The following SCGN variants were observed in gnomAD, a reference collection of about 807,000 sequenced individuals.
The protein encoded by SCGN is secretagogin.
Under a neutral mutation model 39.7 loss-of-function variants are expected in SCGN, and 30 were observed. The observed-to-expected ratio is 0.76, with a 90% CI of 0.57 to 1.03. SCGN has a LOEUF of 1.03. Among genes scored for constraint, SCGN ranks in the 50% least tolerant of loss-of-function variants. The pLI, the probability that SCGN is intolerant of heterozygous loss-of-function variation, is 0.00. For missense variants in SCGN, 353 were observed against 349.4 expected (o/e 1.01, Z -0.08); for synonymous variants, 106 against 114.1 (o/e 0.93, Z 0.45).
At chr6:25,658,098 G>A (rs1165745616) in intron 2 of SCGN, among the ~76,000 whole-genome samples, 1 of 123,996 alleles carries the variant, frequency 8.1e-6, no homozygotes, top group Non-Finnish European at 1.6e-5. Context: ...GGAGTGCAGT[G>A]GTGCGATCTT....
intron 3 of SCGN, among the ~76,000 whole-genome samples, chr6:25,664,285 T>C (rs1760391323): frequency 6.6e-6 from 1 of 152,240 alleles, no homozygotes. Flanking sequence ...CAGGCAGCAG[T>C]CATTCCTGCT....
At chr6:25,699,934 A>G (rs776384276) in intron 10 of SCGN, among the ~76,000 whole-genome samples, 1 of 151,954 alleles carries the variant, frequency 6.6e-6, no homozygotes, top group Admixed American at 6.6e-5. Context: ...AAAAAGGGCC[A>G]CTTGGATCTA....
chr6:25,699,912 C>T (rs1008881343), intron 10 of SCGN, among the ~76,000 whole-genome samples: 8 of 151,958 alleles, frequency 5.3e-5, no homozygotes, highest in African/African-American at 1.9e-4. Flanking sequence ...AGTAAGCTGT[C>T]ATCTCTAGTC....
At chr6:25,667,908 T>A (rs576267431) in intron 4 of SCGN, among the ~76,000 whole-genome samples, 1 of 152,360 alleles carries the variant, frequency 6.6e-6, no homozygotes, top group East Asian at 1.9e-4. Context: ...AAAAAATTTT[T>A]AAAATTATTT....
intron 10 of SCGN, among the ~76,000 whole-genome samples, chr6:25,693,443 C>G (rs1429109896): frequency 8.7e-6 from 1 of 114,532 alleles, no homozygotes; most frequent in Non-Finnish European, 1.7e-5. Flanking sequence ...CAGAGCGAGA[C>G]TCCGTCTCAA....
At position 25,656,288 on chromosome 6, in the gene SCGN, A is replaced by G. The variant is rs996907209; in HGVS notation, c.153+2836A>G. ...CTTGCTCTGGTGTTCAGCAGTGGTA[A>G]GCCAACCTTCAGAGGCATGAATAGC... On this transcript the variant is annotated intron_variant, in intron 2 of 10. Transcript: ENST00000377961. Among the ~76,000 whole-genome samples the G allele has an allele frequency of 3.2e-4, 48 of 152,184 alleles. 1 individual carries two copies. Among genetic ancestry groups the G allele is most frequent in the Non-Finnish European group, 7.4e-5 (5 of 68,010 alleles).
intron 6 of SCGN, among the ~76,000 whole-genome samples, chr6:25,680,053 GA>G (rs1377000540): frequency 6.6e-6 from 1 of 152,006 alleles, no homozygotes. Flanking sequence ...TACAAACGCA[GA>G]TTTTTTTTAC....
In SCGN at chr6:25,670,035, G is replaced by C. The variant is rs138238239; in HGVS notation, c.430G>C (p.Ala144Pro). 3.7e-6 allele frequency: 6 copies of C among 1,613,682 alleles called. No individual in the cohort carries two copies. The East Asian group carries it at 8.9e-5, about 24-fold the overall frequency. Residue 144 changes from alanine (A) to proline (P), a missense_variant, in exon 6 of 11, where the codon GCC becomes CCC. Coordinates refer to ENST00000377961, the MANE Select transcript of SCGN (RefSeq NM_006998.4). The part of the protein sequence containing the change: ...LRDLFLHHKK[A>P]ISEAKLEEYT... ...AGACCTCTTTCTTCACCACAAAAAG[G>C]CCATTTCTGAGGCTAAACTGGAAGA...
At chr6:25,658,141 G>T (rs1420923787) in intron 2 of SCGN, among the ~76,000 whole-genome samples, 1 of 146,084 alleles carries the variant, frequency 6.8e-6, no homozygotes, top group East Asian at 2.1e-4. Context: ...ACGGGTTCAA[G>T]CTATTCTCCT....
Position 25,669,547 on chromosome 6 carries a change from A to C in SCGN, c.373A>C (p.Ile125Leu). ...RKYDADSSGFISAAELRNFLR... is the reference protein window; with the variant it reads ...RKYDADSSGFLSAAELRNFLR... Reference sequence around the variant, plus strand: ...ATATGACGCTGACAGCAGTGGCTTTATATCAGCTGCTGAGCTCCGCGTGAG... The same window carrying C: ...ATATGACGCTGACAGCAGTGGCTTTCTATCAGCTGCTGAGCTCCGCGTGAG... The change falls in exon 5 of 11, where the codon ATA becomes CTA. Residue 125 changes from isoleucine to leucine, a missense_variant. Physicochemically the swap from Ile to Leu is conservative, Grantham distance 5. Coordinates refer to ENST00000377961, the MANE Select transcript of SCGN (RefSeq NM_006998.4). 1 of 1,613,508 alleles carries C rather than the reference A, an allele frequency of 6.2e-7. No individual in the cohort carries two copies. Among genetic ancestry groups the C allele is most frequent in the Middle Eastern group, 1.7e-4 (1 of 6,058 alleles).
rs1382874705 is a variant in SCGN, at chr6:25,652,469, G to A, written c.66G>A (p.Gln22=). ...CCGCTGGCTTCTGGCAGGTCTGGCA[G>A]CGCTTTGATGCGGATGGTGAGTAGA... ...LDAAGFWQVW[Q]RFDADEKGYI... is the part of the protein sequence containing the mutation. The change falls in exon 1 of 11, where the codon CAG becomes CAA. Residue 22 remains glutamine, a synonymous_variant. Transcript: ENST00000377961. The A allele has an allele frequency of 3.1e-6, 5 of 1,613,898 alleles. No individual in the cohort carries two copies. Among genetic ancestry groups the A allele is most frequent in the Non-Finnish European group, 4.2e-6 (5 of 1,180,022 alleles).
intron 3 of SCGN, among the ~76,000 whole-genome samples, chr6:25,662,137 A>G (rs991175438): frequency 1.3e-5 from 2 of 152,230 alleles, no homozygotes; most frequent in Non-Finnish European, 2.9e-5. Context: ...ACTTTTATGG[A>G]GCACATACTA....
At chr6:25,672,747 G>A (rs1008750219) in intron 6 of SCGN, among the ~76,000 whole-genome samples, 6 of 152,210 alleles carry the variant, frequency 3.9e-5, no homozygotes, top group African/African-American at 1.4e-4. Flanking sequence ...CCCCTGGGTT[G>A]AGAAGAGTCC....
intron 6 of SCGN, among the ~76,000 whole-genome samples, chr6:25,674,433 T>G (rs1759539673): frequency 6.6e-6 from 1 of 152,206 alleles, no homozygotes; most frequent in Non-Finnish European, 1.5e-5. Flanking sequence ...CTAGAAATTT[T>G]TGGGTGTACT....
chr6:25,659,070 G>A (rs574571085), intron 2 of SCGN, among the ~76,000 whole-genome samples: 104 of 152,320 alleles, frequency 6.8e-4, no homozygotes, highest in African/African-American at 2.4e-3. Flanking sequence ...CCTGCAATGA[G>A]TTGGTACGAT....
chr6:25,669,063 A>G (rs1299419724), intron 4 of SCGN, among the ~76,000 whole-genome samples: 1 of 150,764 alleles, frequency 6.6e-6, no homozygotes, highest in African/African-American at 2.4e-5. Flanking sequence ...GTGAGCCGAG[A>G]TCGCGCCACT....
chr6:25,690,062 G>A (rs9461196), intron 9 of SCGN, among the ~76,000 whole-genome samples: 42,342 of 152,040 alleles, frequency 0.28, 6,212 homozygotes, highest in African/African-American at 0.36. Context: ...TGTTGGGAAA[G>A]GTTATAAGGA....
chr6:25,671,388 T>C (rs1191384485), intron 6 of SCGN, among the ~76,000 whole-genome samples: 3 of 139,030 alleles, frequency 2.2e-5, no homozygotes, highest in Non-Finnish European at 4.8e-5. Context: ...TGGAGACTTC[T>C]CTGCTTTCCC....
At chr6:25,691,030 G>C (rs376251779) in intron 9 of SCGN, 26 bp from the exon 10 acceptor site, 2 of 1,596,288 alleles carry the variant, frequency 1.3e-6, no homozygotes, top group African/African-American at 2.7e-5. Flanking sequence ...ACTGATATTT[G>C]GGCAATTGGA....
Sources: gnomAD v4.1 joint callset for allele counts (sites outside exome capture counted in the v4.1 genomes callset) on GRCh38, gnomAD v4.1.1 for gene constraint, MANE v1.5 for transcripts, NCBI Gene and HGNC (gene_info 2026-07-23, HGNC 2026-07-21) for gene names.